The following CCSER1 variants were observed in gnomAD, a reference collection of about 807,000 sequenced individuals.
The protein encoded by CCSER1 is serine-rich coiled-coil domain-containing protein 1.
Under a neutral mutation model 82.0 loss-of-function variants are expected in CCSER1, and 41 were observed. That is an observed-to-expected ratio of 0.50 (90% confidence interval 0.39 to 0.65). The LOEUF (loss-of-function observed/expected upper bound fraction) is 0.65, where lower values mean the gene tolerates loss of function less well. CCSER1 is among the 30% of genes least tolerant of loss of function. The pLI, the probability that CCSER1 is intolerant of heterozygous loss-of-function variation, is 0.00. For synonymous variants in CCSER1, 414 were observed against 383.9 expected, an observed-to-expected ratio of 1.08 and a Z score of -0.92; for missense variants, 1,119 against 1,064.2, an observed-to-expected ratio of 1.05 and a Z score of -0.72.
At chr4:91,319,583 C>G (rs1386758588) in intron 10 of CCSER1, 1 of 443,830 alleles carries the variant, frequency 2.3e-6, no homozygotes, top group Non-Finnish European at 4.5e-6. Flanking sequence ...GAATAAGTGT[C>G]ACAAAGAAGC....
chr4:90,153,158 A>G (rs959299541), intron 1 of CCSER1, among the ~76,000 whole-genome samples: 11 of 150,644 alleles, frequency 7.3e-5, no homozygotes, highest in Non-Finnish European at 7.4e-5. Flanking sequence ...TTCTTGAGAT[A>G]GTTTACTGAG....
chr4:91,101,897 TTAAA>T (rs1281484017), intron 10 of CCSER1, among the ~76,000 whole-genome samples: 1 of 152,182 alleles, frequency 6.6e-6, no homozygotes, highest in African/African-American at 2.4e-5. Flanking sequence ...TTGAAGTTGA[TTAAA>T]TAATCAAAGG....
At chr4:90,675,152 A>G (rs1733597976) in intron 6 of CCSER1, among the ~76,000 whole-genome samples, 1 of 152,020 alleles carries the variant, frequency 6.6e-6, no homozygotes, top group African/African-American at 2.4e-5. Flanking sequence ...GCTTTACCTC[A>G]TAAGACTGTG....
rs536758077 is a variant in CCSER1, at chr4:91,439,094, A to C, written c.2218-159478A>C. Among the ~76,000 whole-genome samples, 24 of 152,330 alleles carry C rather than the reference A, an allele frequency of 1.6e-4. No individual in the cohort carries two copies. In the South Asian group the frequency reaches 1.7e-3, roughly 11 times the overall value. On this transcript the variant is annotated intron_variant, in intron 10 of 10. Coordinates refer to ENST00000509176, the MANE Select transcript of CCSER1 (RefSeq NM_001145065.2). Reference sequence around the variant, plus strand: ...CCAGGAGAACTTCCCCAATCTAGCAAGGCACGCCAACATTCAAATTCAGGA... The same window carrying C: ...CCAGGAGAACTTCCCCAATCTAGCACGGCACGCCAACATTCAAATTCAGGA...
chr4:90,281,511 C>G (rs28632139), intron 1 of CCSER1, among the ~76,000 whole-genome samples: 7,375 of 151,972 alleles, frequency 0.049, 480 homozygotes, highest in African/African-American at 0.15. Context: ...ATAATTTTTT[C>G]CATATTTTAT....
chr4:91,390,066 C>A (rs1288859516), intron 10 of CCSER1, among the ~76,000 whole-genome samples: 1 of 151,906 alleles, frequency 6.6e-6, no homozygotes, highest in Non-Finnish European at 1.5e-5. Flanking sequence ...GTTTTATTTC[C>A]TTTCCAGTGG....
intron 10 of CCSER1, among the ~76,000 whole-genome samples, chr4:91,239,071 C>T (rs966531852): frequency 3.0e-4 from 45 of 151,826 alleles, no homozygotes; most frequent in African/African-American, 9.9e-4. Flanking sequence ...TGATCCCCCC[C>T]ACCTCAGCCT....
At chr4:90,782,550 G>A (rs1753911152) in intron 7 of CCSER1, among the ~76,000 whole-genome samples, 1 of 152,116 alleles carries the variant, frequency 6.6e-6, no homozygotes, top group African/African-American at 2.4e-5. Flanking sequence ...TATAAAGGCA[G>A]TGGCAATGGG....
At chr4:91,534,020 C>T (rs1222615030) in intron 10 of CCSER1, among the ~76,000 whole-genome samples, 1 of 152,026 alleles carries the variant, frequency 6.6e-6, no homozygotes, top group Non-Finnish European at 1.5e-5. Flanking sequence ...ATGCTTCTTT[C>T]AAGCTACTTT....
intron 1 of CCSER1, among the ~76,000 whole-genome samples, chr4:90,181,017 A>C (rs1455405661): frequency 6.6e-6 from 1 of 152,100 alleles, no homozygotes; most frequent in Non-Finnish European, 1.5e-5. Flanking sequence ...AGTAATCTTT[A>C]CTTCATGTGT....
chr4:91,083,409 C>CG (rs887825677), intron 9 of CCSER1, among the ~76,000 whole-genome samples: 33 of 150,860 alleles, frequency 2.2e-4, no homozygotes, highest in Non-Finnish European at 3.7e-4. Context: ...AGGAGCCTGC[C>CG]GGGGGGTTGG....
intron 5 of CCSER1, among the ~76,000 whole-genome samples, chr4:90,604,235 A>G (rs73833724): frequency 0.013 from 1,966 of 152,278 alleles, 52 homozygotes; most frequent in African/African-American, 0.045. Flanking sequence ...TTTTTTTTCT[A>G]TATCTCACAG....
chr4:90,318,196 C>T (rs932607829), intron 3 of CCSER1, among the ~76,000 whole-genome samples: 2 of 152,098 alleles, frequency 1.3e-5, no homozygotes, highest in South Asian at 2.1e-4. Context: ...AGGTTTTATT[C>T]TTTAGAATAT....
At chr4:91,422,179 T>C (rs1249909578) in intron 10 of CCSER1, among the ~76,000 whole-genome samples, 1 of 152,120 alleles carries the variant, frequency 6.6e-6, no homozygotes, top group Admixed American at 6.5e-5. Flanking sequence ...AAACTTTTGT[T>C]GTTTTAACCA....
At chr4:90,310,440 T>G (rs1735097680) in intron 2 of CCSER1, among the ~76,000 whole-genome samples, 1 of 152,066 alleles carries the variant, frequency 6.6e-6, no homozygotes, top group Non-Finnish European at 1.5e-5. Flanking sequence ...TTCCCAAATT[T>G]GGAAGTGATT....
chr4:91,229,627 C>T (rs1198474583), intron 10 of CCSER1, among the ~76,000 whole-genome samples: 3 of 152,100 alleles, frequency 2.0e-5, no homozygotes, highest in African/African-American at 7.2e-5. Flanking sequence ...AAATGTGGCA[C>T]ATATACACCA....
At chr4:90,230,194 A>G (rs953492293) in intron 1 of CCSER1, among the ~76,000 whole-genome samples, 7 of 152,134 alleles carry the variant, frequency 4.6e-5, no homozygotes, top group Non-Finnish European at 7.4e-5. Context: ...CACCACACCT[A>G]TTCCAAAATT....
At chr4:91,311,038 T>C (rs1745437674) in intron 10 of CCSER1, among the ~76,000 whole-genome samples, 1 of 151,972 alleles carries the variant, frequency 6.6e-6, no homozygotes, top group African/African-American at 2.4e-5. Flanking sequence ...TTGATTAAAC[T>C]ATTTACTGTA....
intron 10 of CCSER1, among the ~76,000 whole-genome samples, chr4:91,262,792 A>G (rs928126928): frequency 6.6e-6 from 1 of 152,036 alleles, no homozygotes; most frequent in South Asian, 2.1e-4. Flanking sequence ...CTAACTCAAC[A>G]TTATACGAGT....
Sources: gnomAD v4.1 joint callset for allele counts (sites outside exome capture counted in the v4.1 genomes callset) on GRCh38, gnomAD v4.1.1 for gene constraint, MANE v1.5 for transcripts, NCBI Gene and HGNC (gene_info 2026-07-23, HGNC 2026-07-21) for gene names.